Variants in DCAF8L2 observed in about 807,000 individuals in gnomAD.
DCAF8L2 encodes the protein DDB1 and CUL4 associated factor 8 like 2.
For synonymous variants in DCAF8L2, 200 were observed against 190.9 expected, an observed-to-expected ratio of 1.05 and a Z score of -0.39; for missense variants, 430 against 490.7, an observed-to-expected ratio of 0.88 and a Z score of 1.17.
chrX:27,719,780 T>C (rs1330931371), intron 4 of DCAF8L2, among the ~76,000 whole-genome samples: 8 of 112,030 alleles, frequency 7.1e-5, no homozygotes, highest in African/African-American at 2.6e-4. Context: ...ATTAAATTTG[T>C]TCTTTATATT....
intron 2 of DCAF8L2, among the ~76,000 whole-genome samples, chrX:27,641,240 T>C (rs1297981149): frequency 9.0e-6 from 1 of 111,591 alleles, no homozygotes; most frequent in Non-Finnish European, 1.9e-5. Context: ...CCTAAAGGAT[T>C]TCATTTAAAA....
chrX:27,623,426 C>CT (rs1272667001), intron 1 of DCAF8L2, among the ~76,000 whole-genome samples: 1 of 110,831 alleles, frequency 9.0e-6, no homozygotes, highest in African/African-American at 3.3e-5. Flanking sequence ...GGAAAAAAAA[C>CT]TGGAATGCTT....
chrX:27,560,472 A>G, the DCAF8L2 span, among the ~76,000 whole-genome samples: 1 of 111,253 alleles, frequency 9.0e-6, no homozygotes, highest in African/African-American at 3.3e-5. Flanking sequence ...TTCAGCTGGT[A>G]ATGTAGAATT....
the DCAF8L2 span, among the ~76,000 whole-genome samples, chrX:27,538,827 G>T: frequency 2.7e-5 from 3 of 112,209 alleles, no homozygotes; most frequent in East Asian, 5.6e-4. Context: ...AGAGAGAAGA[G>T]ACTTTTGAAA....
chrX:27,689,667 A>C lies in DCAF8L2; in HGVS notation c.-143+11755A>C, dbSNP rs777063429. ...GGAATGCCATGTAGCCATTAGGAAG[A>C]ATAGGATACAGGCTGACAGCAGACA... On this transcript the variant is annotated intron_variant, in intron 3 of 4. Transcript: ENST00000451261. 8.0e-5 allele frequency among the ~76,000 whole-genome samples: 9 copies of C among 112,945 alleles called. 1 individual carries two copies. The South Asian group carries it at 3.2e-3, about 41-fold the overall frequency.
chrX:27,631,190 T>C (rs6628290), intron 1 of DCAF8L2, among the ~76,000 whole-genome samples: 20,108 of 111,002 alleles, frequency 0.18, 1,456 homozygotes, highest in East Asian at 0.4. Context: ...GGAAATAATT[T>C]AACATTATTT....
chrX:27,472,519 G>T, the DCAF8L2 span, among the ~76,000 whole-genome samples: 19 of 111,326 alleles, frequency 1.7e-4, no homozygotes, highest in Non-Finnish European at 3.8e-5. Flanking sequence ...CATGCATTAG[G>T]TATTTGTCCT....
chrX:27,671,947 T>C (rs1929966928), intron 2 of DCAF8L2, among the ~76,000 whole-genome samples: 1 of 111,877 alleles, frequency 8.9e-6, no homozygotes, highest in Non-Finnish European at 1.9e-5. Context: ...AGTATTGAAA[T>C]GTACAGGCTA....
chrX:27,494,319 T>C, the DCAF8L2 span, among the ~76,000 whole-genome samples: 1 of 111,047 alleles, frequency 9.0e-6, no homozygotes, highest in South Asian at 3.8e-4. Context: ...GGCAGGAGAA[T>C]CGCTTGAACC....
At chrX:27,625,037 G>A (rs1313227634) in intron 1 of DCAF8L2, among the ~76,000 whole-genome samples, 5 of 111,786 alleles carry the variant, frequency 4.5e-5, no homozygotes, top group Non-Finnish European at 9.4e-5. Context: ...CACAGTAAAA[G>A]AAACTATCAA....
At chrX:27,540,178 T>G in the DCAF8L2 span, among the ~76,000 whole-genome samples, 850 of 111,835 alleles carry the variant, frequency 7.6e-3, 6 homozygotes, top group African/African-American at 0.026. Flanking sequence ...AGTTTTCTGC[T>G]GCAGTTGGGA....
chrX:27,651,763 G>A (rs182022920), intron 2 of DCAF8L2, among the ~76,000 whole-genome samples: 7 of 110,223 alleles, frequency 6.4e-5, no homozygotes, highest in Non-Finnish European at 1.1e-4. Flanking sequence ...ACCCGCCTCC[G>A]CCTCCCAAAA....
the DCAF8L2 span, among the ~76,000 whole-genome samples, chrX:27,480,193 G>A: frequency 8.9e-6 from 1 of 112,326 alleles, no homozygotes; most frequent in South Asian, 3.7e-4. Context: ...CAAGACATTA[G>A]AGGTACAACA....
intron 1 of DCAF8L2, among the ~76,000 whole-genome samples, chrX:27,600,725 G>A (rs1926601429): frequency 8.9e-6 from 1 of 111,895 alleles, no homozygotes; most frequent in Admixed American, 9.5e-5. Context: ...AGAATTATAC[G>A]AAGCAATCTG....
chrX:27,583,416 G>A, the DCAF8L2 span, among the ~76,000 whole-genome samples: 4 of 111,411 alleles, frequency 3.6e-5, no homozygotes, highest in South Asian at 7.8e-4. Context: ...TTGTGGGATG[G>A]TGTTTAGAAA....
chrX:27,587,124 T>C (rs1048598851), upstream of DCAF8L2, among the ~76,000 whole-genome samples: 13 of 111,659 alleles, frequency 1.2e-4, no homozygotes, highest in African/African-American at 4.2e-4. Context: ...AATTGAAAAT[T>C]ATGTTATTTA....
intron 3 of DCAF8L2, among the ~76,000 whole-genome samples, chrX:27,693,528 T>C: frequency 9.0e-6 from 1 of 111,443 alleles, no homozygotes; most frequent in East Asian, 2.8e-4. Flanking sequence ...TATGTTCCTG[T>C]CCATATAGAA....
intron 3 of DCAF8L2, among the ~76,000 whole-genome samples, chrX:27,685,173 C>T (rs750371219): frequency 9.0e-6 from 1 of 111,496 alleles, no homozygotes. Context: ...TAAATCAAGA[C>T]GAGTTTTTGT....
At chrX:27,578,811 A>G in the DCAF8L2 span, among the ~76,000 whole-genome samples, 1 of 110,873 alleles carries the variant, frequency 9.0e-6, no homozygotes, top group Non-Finnish European at 1.9e-5. Context: ...AAAGCTCAAC[A>G]TCACTGATAA....
Sources: allele counts gnomAD v4.1 joint callset (sites outside exome capture counted in the v4.1 genomes callset), GRCh38; gene constraint gnomAD v4.1.1; transcripts MANE v1.5; gene names NCBI Gene and HGNC (gene_info 2026-07-23, HGNC 2026-07-21).